PDE4C: variants seen among roughly 807,000 people sequenced by gnomAD.
PDE4C encodes the protein phosphodiesterase 4C.
In PDE4C, 50 loss-of-function variants were observed where a neutral mutation model predicts 63.9. The observed-to-expected ratio is 0.78, with a 90% CI of 0.62 to 0.99. PDE4C has a LOEUF of 0.99. Ranked by LOEUF, PDE4C falls within the 50% of genes least tolerant of loss-of-function variation. PDE4C has a pLI of 0.00. For missense variants in PDE4C, 777 were observed against 899.1 expected (o/e 0.86, Z 1.74); for synonymous variants, 377 against 385.1 (o/e 0.98, Z 0.25).
the PDE4C span, among the ~76,000 whole-genome samples, chr19:18,253,220 A>G: frequency 6.6e-6 from 1 of 152,120 alleles, no homozygotes; most frequent in Non-Finnish European, 1.5e-5. Flanking sequence ...TGCCTCTGAC[A>G]GTTCATCAGT....
At chr19:18,218,072 C>T in intron 11 of PDE4C, 77 bp downstream of exon 11, 2 of 1,082,628 alleles carry the variant, frequency 1.8e-6, no homozygotes, top group Admixed American at 1.8e-5. Flanking sequence ...AGATGGGAAC[C>T]CCCTGAGATC....
chr19:18,228,386 A>G (rs1051343265), upstream of PDE4C, among the ~76,000 whole-genome samples: 1 of 152,066 alleles, frequency 6.6e-6, no homozygotes, highest in Non-Finnish European at 1.5e-5. Flanking sequence ...GACGAAACCT[A>G]CAAAGTGTGG....
chr19:18,228,778 G>C (rs1277161117), upstream of PDE4C, among the ~76,000 whole-genome samples: 3 of 152,112 alleles, frequency 2.0e-5, no homozygotes, highest in African/African-American at 7.2e-5. Context: ...CCAGGCCCTG[G>C]GAGGCTCTCC....
intron 13 of PDE4C, among the ~76,000 whole-genome samples, chr19:18,212,394 C>G (rs1967990524): frequency 6.6e-6 from 1 of 151,224 alleles, no homozygotes; most frequent in Admixed American, 6.6e-5. Context: ...AGGCTGGTCT[C>G]AAACTCCTGA....
At chr19:18,232,068 A>G (rs562846829) in intron 1 of PDE4C, among the ~76,000 whole-genome samples, 2 of 152,158 alleles carry the variant, frequency 1.3e-5, no homozygotes, top group South Asian at 4.1e-4. Context: ...TTATATATCT[A>G]TAATATATTA....
chr19:18,218,176 C>A, exon 11 of PDE4C: 1 of 1,614,166 alleles, frequency 6.2e-7, no homozygotes, highest in Non-Finnish European at 8.5e-7. Flanking sequence ...TGGTTGGAGA[C>A]CCCAGGATGG....
chr19:18,209,639 T>A (rs1038205725), downstream of PDE4C: 3 of 150,958 alleles, frequency 2.0e-5, no homozygotes, highest in African/African-American at 7.3e-5. Flanking sequence ...CCACCCCCAC[T>A]CAGCCTCCCA....
At position 18,240,403 on chromosome 19, in the gene PDE4C, G is replaced by A. The variant is rs1229253221; in HGVS notation, c.-209-7003C>T. On this transcript the variant is annotated intron_variant, in intron 1 of 15. Transcript: ENST00000594617. Reference sequence around the variant, plus strand: ...TGATTGTGCCACTGCTCTTCAGCCCGGCTTACAGAGGGAAACTCTGTCAAA... The same window carrying A: ...TGATTGTGCCACTGCTCTTCAGCCCAGCTTACAGAGGGAAACTCTGTCAAA... Among the ~76,000 whole-genome samples the A allele has an allele frequency of 4.6e-5, 6 of 131,216 alleles. No individual in the cohort carries two copies. The South Asian group carries it at 1.5e-3, about 33-fold the overall frequency. 86.1% of individuals were successfully genotyped at this position (131,216 alleles called of 152,430 possible).
chr19:18,242,499 A>AAAAAAAAC (rs1969059345), intron 1 of PDE4C, among the ~76,000 whole-genome samples: 1 of 148,378 alleles, frequency 6.7e-6, no homozygotes, highest in African/African-American at 2.5e-5. Context: ...AAAAAAAAAA[A>AAAAAAAAC]AGCCAGGCAC....
chr19:18,232,885 C>T (rs1448345919), intron 1 of PDE4C: 4 of 1,409,094 alleles, frequency 2.8e-6, no homozygotes, highest in Admixed American at 3.1e-5. Context: ...GACCCTCCCC[C>T]ACTCCCGCCA....
chr19:18,253,126 C>T (rs1308574288), upstream of PDE4C, among the ~76,000 whole-genome samples: 1 of 152,164 alleles, frequency 6.6e-6, no homozygotes, highest in Non-Finnish European at 1.5e-5. Context: ...GAAGTGACTG[C>T]ATCCCAGGCA....
exon 1 of PDE4C, chr19:18,233,426 A>T (rs1042649075): frequency 1.4e-6 from 1 of 700,218 alleles, no homozygotes; most frequent in Admixed American, 2.0e-5. Context: ...GGGGAGAAGA[A>T]CGTGGTGAGG....
At chr19:18,226,526 C>T (rs1260758340), upstream of PDE4C, 2 of 828,704 alleles carry the variant, frequency 2.4e-6, no homozygotes, top group Non-Finnish European at 3.3e-6. Context: ...TCGGCCCCGC[C>T]TCGAGGCCGG....
intron 2 of PDE4C, among the ~76,000 whole-genome samples, chr19:18,221,880 C>A (rs1032391242): frequency 6.6e-6 from 1 of 152,184 alleles, no homozygotes; most frequent in Admixed American, 6.5e-5. Flanking sequence ...CCCACCTCGG[C>A]CTCCCAAAGT....
At chr19:18,230,242 A>C (rs1292484863), upstream of PDE4C, among the ~76,000 whole-genome samples, 1 of 152,238 alleles carries the variant, frequency 6.6e-6, no homozygotes, top group Non-Finnish European at 1.5e-5. Context: ...GTGGTGGCTC[A>C]TGCCTGCAAT....
At chr19:18,249,710 T>C, upstream of PDE4C, among the ~76,000 whole-genome samples, 1 of 151,994 alleles carries the variant, frequency 6.6e-6, no homozygotes, top group East Asian at 1.9e-4. Context: ...GTAGCTGGGA[T>C]TACAGGCACC....
At chr19:18,226,696 C>T (rs1284774515), upstream of PDE4C, among the ~76,000 whole-genome samples, 2 of 148,142 alleles carry the variant, frequency 1.4e-5, no homozygotes, top group African/African-American at 5.0e-5. Flanking sequence ...GCCTCAACTT[C>T]CTGGGCTCAA....
chr19:18,214,079 A>T (rs889911108), intron 12 of PDE4C, among the ~76,000 whole-genome samples: 2 of 152,106 alleles, frequency 1.3e-5, no homozygotes, highest in Non-Finnish European at 2.9e-5. Flanking sequence ...TAACATGGTG[A>T]AACCCCGTCT....
In PDE4C at chr19:18,220,495, C is replaced by A; in HGVS notation, c.520G>T (p.Ala174Ser). ...TCCAGCTCGTCTAGCGTCTCCAATG[C>A]CAGCTTCTGCCCCGTGTCCTCTGGG... is the stretch of plus-strand genomic sequence containing the variant. Residue 174 changes from alanine to serine, a missense_variant, in exon 6 of 15, where the codon GCA becomes TCA. Physicochemically the swap from Ala to Ser is moderately conservative, Grantham distance 99. Transcript: ENST00000262805. This position sits in a 1 kb window ranked among gnomAD's most constrained non-coding sequence, Gnocchi z 5.1. The A allele has an allele frequency of 1.2e-6, 2 of 1,614,120 alleles. No homozygotes were observed. Among genetic ancestry groups the A allele is most frequent in the South Asian group, 2.2e-5 (2 of 91,080 alleles).
Sources: allele counts gnomAD v4.1 joint callset (sites outside exome capture counted in the v4.1 genomes callset), GRCh38; gene constraint gnomAD v4.1.1; non-coding constraint Gnocchi (gnomAD v3.1); transcripts MANE v1.5; gene names NCBI Gene and HGNC (gene_info 2026-07-23, HGNC 2026-07-21).